CACHD1: variants seen among roughly 807,000 people sequenced by gnomAD.
CACHD1 encodes VWFA and cache domain-containing protein 1.
Under a neutral mutation model 138.7 loss-of-function variants are expected in CACHD1, and 71 were observed. The ratio of observed to expected loss-of-function variants is 0.51; its 90% CI spans 0.42 to 0.62. The LOEUF (loss-of-function observed/expected upper bound fraction) is 0.62, where lower values mean the gene tolerates loss of function less well. Ranked by LOEUF, CACHD1 falls within the 20% of genes least tolerant of loss-of-function variation. The pLI is 0.00. For synonymous variants in CACHD1, 578 were observed against 591.5 expected (o/e 0.98, Z 0.33); for missense variants, 1,389 against 1,625.3 (o/e 0.85, Z 2.50).
At chr1:64,486,347 C>T (rs567988640) in intron 1 of CACHD1, among the ~76,000 whole-genome samples, 26 of 121,128 alleles carry the variant, frequency 2.1e-4, no homozygotes, top group South Asian at 8.0e-4. Flanking sequence ...TTTGAGAGCG[C>T]GCGCACACAC....
At chr1:64,586,361 G>A (rs557612921) in intron 3 of CACHD1, among the ~76,000 whole-genome samples, 8 of 152,212 alleles carry the variant, frequency 5.3e-5, no homozygotes, top group Admixed American at 1.3e-4. Context: ...ACACTTGAGC[G>A]ACTGCACCCA....
intron 1 of CACHD1, among the ~76,000 whole-genome samples, chr1:64,499,542 G>T (rs185121482): frequency 1.8e-4 from 28 of 152,340 alleles, no homozygotes; most frequent in Admixed American, 1.7e-3. Flanking sequence ...GGGCTCCGCA[G>T]AATTCAAGGA....
At chr1:64,521,363 T>A (rs1646497013) in intron 1 of CACHD1, among the ~76,000 whole-genome samples, 1 of 152,192 alleles carries the variant, frequency 6.6e-6, no homozygotes, top group South Asian at 2.1e-4. Context: ...CAAAGAAAAC[T>A]CTGCTTTTAA....
At position 64,633,919 on chromosome 1, in the gene CACHD1, T is replaced by A. The variant is rs1648405003; in HGVS notation, c.790-125T>A. ...GATGGATGGCTCCAGGGATTTATTT[T>A]GAAACTCTCAGAATCTGTTCTGTAG... On this transcript the variant is annotated intron_variant, in intron 6 of 26. Transcript: ENST00000651257. 2.3e-5 allele frequency: 16 copies of A among 682,558 alleles called. No individual in the cohort carries two copies. The South Asian group carries it at 3.3e-4, about 14-fold the overall frequency. The allele number at this position is 682,558 out of a possible 1,614,324, so 42.3% of individuals were successfully genotyped here. A position where few individuals can be genotyped will look rare whatever the true frequency, so the allele number is the denominator to read the frequency against.
rs531711748 is a variant in CACHD1, at chr1:64,550,627, A to G, written c.232A>G (p.Ile78Val). 40 of 1,611,970 alleles carry G rather than the reference A, an allele frequency of 2.5e-5. No individual in the cohort carries two copies. The East Asian group carries it at 8.5e-4, about 34-fold the overall frequency. ...IFNSFVYTEK[I>V]SNGESEVQQL... ...CAACTCCTTTGTTTACACTGAGAAA[A>G]TCTCAAATGGAGAAAGTGAAGTACA... The change falls in exon 2 of 27, where the codon ATC (isoleucine) becomes GTC (valine). Residue 78 changes from isoleucine (I) to valine (V), a missense_variant. Physicochemically the swap from Ile to Val is conservative, Grantham distance 29 (BLOSUM62 3). Around this residue, in one of 5 missense-constraint regions of CACHD1, gnomAD observed 1,000 missense variants for 1,114.7 expected, o/e 0.90. Coordinates refer to ENST00000651257, the MANE Select transcript of CACHD1 (RefSeq NM_020925.4).
At chr1:64,534,335 C>T (rs532458336) in intron 1 of CACHD1, among the ~76,000 whole-genome samples, 14 of 152,122 alleles carry the variant, frequency 9.2e-5, no homozygotes, top group African/African-American at 3.1e-4. Flanking sequence ...TGAGCCACCG[C>T]GCCCGGCCAT....
At chr1:64,568,983 G>A (rs917519927) in intron 2 of CACHD1, among the ~76,000 whole-genome samples, 3 of 152,082 alleles carry the variant, frequency 2.0e-5, no homozygotes, top group Admixed American at 1.3e-4. Flanking sequence ...GTGCAATGGC[G>A]TGATCTCATC....
chr1:64,628,524 C>T (rs1570431160), intron 4 of CACHD1, among the ~76,000 whole-genome samples: 1 of 152,120 alleles, frequency 6.6e-6, no homozygotes, highest in African/African-American at 2.4e-5. Context: ...TCATGGAGGT[C>T]GTGGGACAGG....
At chr1:64,641,249 T>G (rs114454037) in intron 7 of CACHD1, among the ~76,000 whole-genome samples, 1,451 of 80,086 alleles carry the variant, frequency 0.018, 28 homozygotes, top group African/African-American at 0.064. Context: ...AGCTTGTAAG[T>G]AGCAGAGCTG....
chr1:64,514,392 C>T (rs539265738), intron 1 of CACHD1, among the ~76,000 whole-genome samples: 2 of 152,282 alleles, frequency 1.3e-5, no homozygotes, highest in East Asian at 1.9e-4. Flanking sequence ...CAAGAGGTGT[C>T]CATATGGCTA....
intron 2 of CACHD1, among the ~76,000 whole-genome samples, chr1:64,556,470 T>G (rs1399281460): frequency 6.6e-6 from 1 of 152,180 alleles, no homozygotes; most frequent in Non-Finnish European, 1.5e-5. Context: ...TCCTTTGGGT[T>G]AATGAAAATT....
chr1:64,629,246 G>A, intron 4 of CACHD1, 109 bp from the exon 5 acceptor site: 1 of 1,185,790 alleles, frequency 8.4e-7, no homozygotes, highest in Non-Finnish European at 1.2e-6. Context: ...TGTATCTAGT[G>A]GGATTTCTTC....
rs140966471 is a variant in CACHD1, at chr1:64,543,402, CATAT to C, written c.199-7171_199-7168del. ...GAGATCCTATCTCTAAAAAAAAATA[CATAT>C]ATATATATATATATATATATTTAAA... On this transcript the variant is annotated intron_variant, in intron 1 of 26. Transcript: ENST00000651257. Among the ~76,000 whole-genome samples the C allele has an allele frequency of 1.3e-4, 16 of 126,872 alleles. 1 individual carries two copies. The highest frequency in any genetic ancestry group is 3.9e-4 in the African/African-American group (12 of 30,612). 83.2% of individuals were successfully genotyped at this position (126,872 alleles called of 152,430 possible). A position where few individuals can be genotyped will look rare whatever the true frequency, so the allele number is the denominator to read the frequency against.
chr1:64,618,462 G>T (rs1193284417), intron 4 of CACHD1, among the ~76,000 whole-genome samples: 1 of 152,224 alleles, frequency 6.6e-6, no homozygotes, highest in Non-Finnish European at 1.5e-5. Flanking sequence ...CTCTCATAGG[G>T]TTGTTGTAGT....
intron 4 of CACHD1, among the ~76,000 whole-genome samples, chr1:64,619,292 T>C (rs1483484217): frequency 6.6e-6 from 1 of 152,078 alleles, no homozygotes; most frequent in Non-Finnish European, 1.5e-5. Flanking sequence ...ATGCCTGAAA[T>C]GGAGAAGGCA....
chr1:64,475,700 C>T (rs567361320), intron 1 of CACHD1, among the ~76,000 whole-genome samples: 16 of 152,172 alleles, frequency 1.1e-4, no homozygotes, highest in African/African-American at 3.1e-4. Flanking sequence ...ACGCCTGCCA[C>T]GACACCCGGC....
At chr1:64,653,015 T>A (rs1649144455) in intron 10 of CACHD1, among the ~76,000 whole-genome samples, 1 of 152,096 alleles carries the variant, frequency 6.6e-6, no homozygotes, top group Non-Finnish European at 1.5e-5. Context: ...AGTGGTAGAC[T>A]GGATAAAGAA....
chr1:64,671,776 T>C, intron 17 of CACHD1, 90 bp downstream of exon 17: 1 of 1,488,048 alleles, frequency 6.7e-7, no homozygotes, highest in Non-Finnish European at 9.3e-7. Context: ...CGCATAGTTA[T>C]GGTCAGGAAT....
chr1:64,648,082 C>T, intron 9 of CACHD1, 48 bp downstream of exon 9: 7 of 1,432,714 alleles, frequency 4.9e-6, no homozygotes, highest in South Asian at 1.2e-5. Context: ...AAGAACTGGG[C>T]AGATAGAAAT....
Sources: gnomAD v4.1 joint callset for allele counts (sites outside exome capture counted in the v4.1 genomes callset) on GRCh38, gnomAD v4.1.1 for gene constraint, gnomAD v4.1.1 regional missense constraint, MANE v1.5 for transcripts, NCBI Gene and HGNC (gene_info 2026-07-23, HGNC 2026-07-21) for gene names.